The following RPS6KA5 variants were observed in gnomAD, a reference collection of about 807,000 sequenced individuals.
RPS6KA5 encodes the protein ribosomal protein S6 kinase alpha-5.
RPS6KA5 carries 27 observed loss-of-function variants against 85.5 expected under a neutral mutation model. That is an observed-to-expected ratio of 0.32 (90% confidence interval 0.23 to 0.44). The LOEUF is 0.44. Among genes scored for constraint, RPS6KA5 ranks in the 20% least tolerant of loss-of-function variants. The pLI is 1.00. For missense variants in RPS6KA5, 811 were observed against 980.9 expected (o/e 0.83, Z 2.31); for synonymous variants, 334 against 348.2 (o/e 0.96, Z 0.46).
chr14:90,934,497 A>G (rs1330411111), intron 5 of RPS6KA5, among the ~76,000 whole-genome samples: 2 of 152,328 alleles, frequency 1.3e-5, no homozygotes, highest in East Asian at 3.9e-4. Flanking sequence ...AATAGATAAA[A>G]ATAAACTGTG....
intron 14 of RPS6KA5, among the ~76,000 whole-genome samples, chr14:90,885,634 C>T (rs1434017011): frequency 2.1e-4 from 21 of 99,502 alleles, no homozygotes; most frequent in African/African-American, 5.3e-4. Flanking sequence ...CCCAGCTACT[C>T]GGGAGACTGA....
chr14:90,941,686 A>G (rs2037580316), intron 5 of RPS6KA5, among the ~76,000 whole-genome samples: 1 of 152,182 alleles, frequency 6.6e-6, no homozygotes. Context: ...ACTTCGAGGG[A>G]TACCTGCTGT....
chr14:91,033,551 G>A (rs192707998), intron 1 of RPS6KA5, among the ~76,000 whole-genome samples: 48 of 151,646 alleles, frequency 3.2e-4, no homozygotes, highest in African/African-American at 7.5e-4. Flanking sequence ...GCAATGAGCC[G>A]AGATCACGCC....
intron 2 of RPS6KA5, among the ~76,000 whole-genome samples, chr14:90,991,332 C>T (rs1430065053): frequency 1.3e-5 from 2 of 152,074 alleles, no homozygotes; most frequent in Non-Finnish European, 2.9e-5. Context: ...TGGCACTTTC[C>T]GTTCTTAGGC....
chr14:90,935,271 G>A (rs1355888923), intron 5 of RPS6KA5, among the ~76,000 whole-genome samples: 1 of 151,968 alleles, frequency 6.6e-6, no homozygotes, highest in East Asian at 1.9e-4. Context: ...ATTTATTAGA[G>A]AAAGATGTAA....
At chr14:90,900,269 T>G in intron 10 of RPS6KA5, 28 bp from the exon 11 acceptor site, 1 of 1,494,746 alleles carries the variant, frequency 6.7e-7, no homozygotes, top group South Asian at 1.4e-5. Flanking sequence ...TCATTTAACT[T>G]CAGAAAATGT....
intron 3 of RPS6KA5, among the ~76,000 whole-genome samples, chr14:90,965,845 A>C (rs2039035078): frequency 6.6e-6 from 1 of 152,180 alleles, no homozygotes; most frequent in Non-Finnish European, 1.5e-5. Context: ...GATGGAACCC[A>C]AAGGAAGTAG....
chr14:90,899,995 T>C (rs1459860233), intron 11 of RPS6KA5, 113 bp downstream of exon 11: 6 of 879,806 alleles, frequency 6.8e-6, no homozygotes, highest in Non-Finnish European at 7.9e-6. Context: ...TGGTTAAACC[T>C]TTGGGTAAGA....
chr14:91,003,884 TCTTG>T (rs1237816063), intron 1 of RPS6KA5, among the ~76,000 whole-genome samples: 5 of 152,214 alleles, frequency 3.3e-5, no homozygotes, highest in Admixed American at 3.3e-4. Context: ...CTTGGAATTT[TCTTG>T]CTTAAGAATG....
chr14:90,861,545 T>C lies in RPS6KA5; in HGVS notation c.*10529A>G, dbSNP rs908468361. 9 of 150,578 alleles carry C rather than the reference T, an allele frequency of 6.0e-5. No individual in the cohort carries two copies. The highest frequency in any genetic ancestry group is 2.2e-4 in the African/African-American group (9 of 41,028). The allele number at this position is 150,578 out of a possible 1,614,324, so 9.3% of individuals were successfully genotyped here. A position where few individuals can be genotyped will look rare whatever the true frequency, so the allele number is the denominator to read the frequency against. On this transcript the variant is annotated 3_prime_UTR_variant, in exon 17 of 17. Transcript: ENST00000614987. The stretch of plus-strand genomic sequence containing the variant: ...TCAAAAAAAAAAAAATAATGTCTTA[T>C]GAAGTCTAAAACACATATATAGAGA...
chr14:90,964,914 CAA>C (rs10713991), intron 3 of RPS6KA5, among the ~76,000 whole-genome samples: 202 of 70,640 alleles, frequency 2.9e-3, no homozygotes, highest in Non-Finnish European at 4.0e-3. Context: ...GACCCTGTCT[CAA>C]AAAAAAAAAA....
intron 4 of RPS6KA5, among the ~76,000 whole-genome samples, chr14:90,945,881 T>C (rs1235541187): frequency 6.6e-6 from 1 of 152,090 alleles, no homozygotes; most frequent in Admixed American, 6.5e-5. Flanking sequence ...CACGTTCCTG[T>C]GGTCCCAGCT....
intron 7 of RPS6KA5, among the ~76,000 whole-genome samples, 163 bp from the exon 8 acceptor site, chr14:90,906,462 G>A (rs558909495): frequency 6.6e-6 from 1 of 151,726 alleles, no homozygotes; most frequent in South Asian, 2.1e-4. Context: ...TTTAGAATGA[G>A]ATACCATAAA....
chr14:91,049,554 GC>G (rs2042989639), intron 1 of RPS6KA5, among the ~76,000 whole-genome samples: 2 of 152,300 alleles, frequency 1.3e-5, no homozygotes, highest in South Asian at 4.1e-4. Flanking sequence ...AGCGGAGCTT[GC>G]CGTGAGCTGA....
intron 5 of RPS6KA5, among the ~76,000 whole-genome samples, chr14:90,933,088 C>A (rs1383528545): frequency 2.0e-5 from 3 of 152,202 alleles, no homozygotes; most frequent in African/African-American, 4.8e-5. Context: ...CTGAGCCAAT[C>A]AATGCTCAAT....
intron 1 of RPS6KA5, among the ~76,000 whole-genome samples, chr14:91,035,633 C>A (rs1448807755): frequency 6.6e-6 from 1 of 151,582 alleles, no homozygotes; most frequent in Non-Finnish European, 1.5e-5. Context: ...CAGAAAGGAT[C>A]CAACAGAAAT....
At chr14:90,952,580 T>C (rs1023699215) in intron 3 of RPS6KA5, among the ~76,000 whole-genome samples, 22 of 152,220 alleles carry the variant, frequency 1.4e-4, no homozygotes, top group African/African-American at 3.9e-4. Flanking sequence ...CACCCAAATG[T>C]GGAATTCTCA....
intron 7 of RPS6KA5, among the ~76,000 whole-genome samples, chr14:90,910,092 TA>T (rs200984997): frequency 4.6e-5 from 7 of 151,104 alleles, no homozygotes; most frequent in African/African-American, 9.7e-5. Flanking sequence ...TTGCATTATT[TA>T]AAAAAAAATG....
At chr14:91,035,264 T>C (rs1185598728) in intron 1 of RPS6KA5, among the ~76,000 whole-genome samples, 1 of 151,310 alleles carries the variant, frequency 6.6e-6, no homozygotes, top group Non-Finnish European at 1.5e-5. Context: ...CACGCTGTAC[T>C]AGTACTAGGA....
Sources: gnomAD v4.1 joint callset for allele counts (sites outside exome capture counted in the v4.1 genomes callset) on GRCh38, gnomAD v4.1.1 for gene constraint, MANE v1.5 for transcripts, NCBI Gene and HGNC (gene_info 2026-07-23, HGNC 2026-07-21) for gene names.